The following DAB2IP variants were observed in gnomAD, a reference collection of about 807,000 sequenced individuals.
DAB2IP encodes DAB2 interacting protein, also known as disabled homolog 2-interacting protein.
In DAB2IP, 28 loss-of-function variants were observed where a neutral mutation model predicts 107.2. The ratio of observed to expected loss-of-function variants is 0.26; its 90% confidence interval spans 0.19 to 0.36. The LOEUF (loss-of-function observed/expected upper bound fraction) is 0.36. Ranked by LOEUF, DAB2IP falls within the 10% of genes least tolerant of loss-of-function variation. The pLI is 1.00. For synonymous variants in DAB2IP, 755 were observed against 706.4 expected (o/e 1.07, Z -1.09); for missense variants, 1,400 against 1,644.7 (o/e 0.85, Z 2.57).
intron 1 of DAB2IP, among the ~76,000 whole-genome samples, chr9:121,625,363 C>A (rs765266941): frequency 1.3e-5 from 2 of 151,910 alleles, no homozygotes; most frequent in African/African-American, 4.8e-5. Flanking sequence ...CCTCAGCCCC[C>A]GAGTAGCTGA....
chr9:121,711,753 T>C (rs1202762923), intron 3 of DAB2IP, among the ~76,000 whole-genome samples: 1 of 152,162 alleles, frequency 6.6e-6, no homozygotes, highest in African/African-American at 2.4e-5. Flanking sequence ...TCAAAGCAGC[T>C]ACCAGCTCTC....
At chr9:121,648,032 A>C (rs1821802553), upstream of DAB2IP, among the ~76,000 whole-genome samples, 1 of 152,084 alleles carries the variant, frequency 6.6e-6, no homozygotes, top group African/African-American at 2.4e-5. Context: ...ATTCTCACTC[A>C]TAAGTGGGAG....
At position 121,699,335 on chromosome 9, in the gene DAB2IP, G is replaced by A; in HGVS notation, c.239G>A (p.Ser80Asn). The stretch of plus-strand genomic sequence containing the variant: ...TCCCCCCGTGCGCAGGGCTTCCTCA[G>A]CCGCCGCCTCAAGGGCTCCATCAAG... The change falls in exon 3 of 16, where the codon AGC (serine) becomes AAC (asparagine). Residue 80 changes from serine (S) to asparagine (N), a missense_variant. Ser to Asn is a conservative substitution (Grantham distance 46, BLOSUM62 1). Around this residue, in one of 3 missense-constraint regions of DAB2IP, gnomAD observed 283 missense variants for 237.0 expected, o/e 1.19. Transcript: ENST00000408936. This position sits in a 1 kb window ranked among gnomAD's most constrained non-coding sequence, Gnocchi z 6.2. 1 of 1,445,314 alleles carries A rather than the reference G, an allele frequency of 6.9e-7. No homozygotes were observed. Among genetic ancestry groups the A allele is most frequent in the Non-Finnish European group, 9.2e-7 (1 of 1,085,002 alleles). The allele number at this position is 1,445,314 out of a possible 1,614,324, so 89.5% of individuals were successfully genotyped here.
At position 121,634,804 on chromosome 9, in the gene DAB2IP, C is replaced by A. The variant is rs1047423042; in HGVS notation, c.41-43874C>A. Among the ~76,000 whole-genome samples, 4 of 152,106 alleles carry A rather than the reference C, an allele frequency of 2.6e-5. No individual in the cohort carries two copies. The highest frequency in any genetic ancestry group is 9.7e-5 in the African/African-American group (4 of 41,424). On this transcript the variant is annotated intron_variant, in intron 1 of 16. Coordinates refer to the DAB2IP transcript ENST00000259371. This position sits in a 1 kb window ranked among gnomAD's most constrained non-coding sequence, Gnocchi z 4.7. ...AGTGGACAGCCCCATTGGTCCTGCC[C>A]CCACCCCAGCCACCACCTGTGGCTA...
intron 1 of DAB2IP, among the ~76,000 whole-genome samples, chr9:121,646,249 G>A (rs1464108786): frequency 6.6e-6 from 1 of 152,126 alleles, no homozygotes; most frequent in Non-Finnish European, 1.5e-5. Context: ...TCTGGGGGGC[G>A]GTGGCAGTGG....
intron 3 of DAB2IP, among the ~76,000 whole-genome samples, chr9:121,705,195 TG>T (rs1178174838): frequency 6.6e-6 from 1 of 152,226 alleles, no homozygotes; most frequent in Non-Finnish European, 1.5e-5. Context: ...TCAGCAAGGC[TG>T]GGGTTTCAAA....
exon 6 of DAB2IP, chr9:121,759,968 C>T (rs1213590655): frequency 3.7e-6 from 6 of 1,614,156 alleles, no homozygotes; most frequent in South Asian, 1.1e-5. Context: ...AGTACCTGTG[C>T]GAGCTGTGCC....
intron 1 of DAB2IP, among the ~76,000 whole-genome samples, chr9:121,607,515 C>T (rs1589400258): frequency 6.6e-6 from 1 of 151,996 alleles, no homozygotes; most frequent in Non-Finnish European, 1.5e-5. Context: ...GTTGTCCAGG[C>T]TGGCGAACTC....
intron 1 of DAB2IP, among the ~76,000 whole-genome samples, chr9:121,584,881 GTTTATTTTTA>G (rs139269916): frequency 0.024 from 3,654 of 152,186 alleles, 61 homozygotes; most frequent in African/African-American, 0.044. Flanking sequence ...GCAGCACTAG[GTTTATTTTTA>G]TTTATTTTTA....
chr9:121,730,734 G>C (rs1214832017), intron 3 of DAB2IP, among the ~76,000 whole-genome samples: 1 of 152,206 alleles, frequency 6.6e-6, no homozygotes, highest in Non-Finnish European at 1.5e-5. Flanking sequence ...GGCACAGCTG[G>C]CACTTTCTAG....
intron 2 of DAB2IP, among the ~76,000 whole-genome samples, chr9:121,685,556 A>G (rs1338895792): frequency 1.3e-5 from 2 of 152,244 alleles, no homozygotes; most frequent in African/African-American, 4.8e-5. Flanking sequence ...TGGCCTCAGC[A>G]GGTCTCCAGC....
At chr9:121,651,539 C>G (rs559542054), upstream of DAB2IP, 7 of 491,100 alleles carry the variant, frequency 1.4e-5, no homozygotes, top group African/African-American at 2.1e-5. This position sits in a 1 kb window ranked among gnomAD's most constrained non-coding sequence, Gnocchi z 5.1. Context: ...ACTTTCCGGG[C>G]CGGTGCCAGC....
At chr9:121,759,786 A>T in intron 5 of DAB2IP, 99 bp from the exon 6 acceptor site, 1 of 1,127,294 alleles carries the variant, frequency 8.9e-7, no homozygotes, top group Non-Finnish European at 1.2e-6. Context: ...CCACCTTCAG[A>T]GCTCCTCCTG....
chr9:121,689,004 T>C (rs891672786), intron 2 of DAB2IP, among the ~76,000 whole-genome samples: 1 of 152,176 alleles, frequency 6.6e-6, no homozygotes, highest in South Asian at 2.1e-4. Context: ...GCCCTTGCCT[T>C]GAAAAGTGCC....
At chr9:121,783,487 C>G (rs543578739) in exon 16 of DAB2IP, 1 of 1,614,120 alleles carries the variant, frequency 6.2e-7, no homozygotes, top group South Asian at 1.1e-5. Context: ...ATTCTAACGC[C>G]TGCAGGCCCT....
rs147834872 is a variant in DAB2IP, at chr9:121,604,208, G to A, written c.40+36980G>A. 2.4e-4 allele frequency among the ~76,000 whole-genome samples: 36 copies of A among 152,316 alleles called. No homozygotes were observed. In the East Asian group the frequency reaches 7.0e-3, roughly 29 times the overall value. On this transcript the variant is annotated intron_variant, in intron 1 of 16. Coordinates refer to the DAB2IP transcript ENST00000259371. ...CTTGACCAGGAGACAAGGGGGACAT[G>A]TAAGAGCCTTGTCTCCCTTCCAAGC...
At chr9:121,648,244 C>CA (rs1189104193), upstream of DAB2IP, among the ~76,000 whole-genome samples, 2 of 151,994 alleles carry the variant, frequency 1.3e-5, no homozygotes, top group African/African-American at 4.8e-5. Flanking sequence ...AACTGTTCCC[C>CA]AAAAACCTAT....
intron 3 of DAB2IP, among the ~76,000 whole-genome samples, chr9:121,703,414 C>G (rs1026287394): frequency 6.6e-6 from 1 of 152,078 alleles, no homozygotes; most frequent in African/African-American, 2.4e-5. Context: ...ACTAGTCTGT[C>G]TAGTGTGGTG....
intron 1 of DAB2IP, among the ~76,000 whole-genome samples, chr9:121,664,855 T>G (rs1480775543): frequency 1.3e-5 from 2 of 152,210 alleles, no homozygotes; most frequent in African/African-American, 4.8e-5. Flanking sequence ...GAACATAAAA[T>G]CATGATCTAT....
Sources: allele counts gnomAD v4.1 joint callset (sites outside exome capture counted in the v4.1 genomes callset), GRCh38; gene constraint gnomAD v4.1.1; regional missense constraint gnomAD v4.1.1; non-coding constraint Gnocchi (gnomAD v3.1); transcripts MANE v1.5; gene names NCBI Gene and HGNC (gene_info 2026-07-23, HGNC 2026-07-21).